Variants in RGS21 observed in about 807,000 individuals in gnomAD.
RGS21 encodes regulator of G-protein signalling 21.
Under a neutral mutation model 18.7 loss-of-function variants are expected in RGS21, and 19 were observed. The ratio of observed to expected loss-of-function variants is 1.01; its 90% confidence interval spans 0.71 to 1.49. The LOEUF is 1.49. Ranked by LOEUF, RGS21 falls within the 40% of genes most tolerant of loss-of-function variation. The probability of loss-of-function intolerance (pLI) is 0.00; values close to 1 mark genes in which losing one functional copy is unlikely to be tolerated. For missense variants in RGS21, 194 were observed against 176.8 expected (o/e 1.10, Z -0.55); for synonymous variants, 56 against 57.8 (o/e 0.97, Z 0.14).
At position 192,366,365 on chromosome 1, in the gene RGS21, T is replaced by C; in HGVS notation, c.*241T>C. ...AAAGAAAGTTTATAGAGATACAATATAGTCTTAAACCAAAACTGAATATTC... is the reference window on the plus strand; with the variant it reads ...AAAGAAAGTTTATAGAGATACAATACAGTCTTAAACCAAAACTGAATATTC... On this transcript the variant is annotated 3_prime_UTR_variant, in exon 5 of 5. Coordinates refer to ENST00000417209, the MANE Select transcript of RGS21 (RefSeq NM_001039152.3). 1 of 380,704 alleles carries C rather than the reference T, an allele frequency of 2.6e-6. No individual in the cohort carries two copies. Among genetic ancestry groups the C allele is most frequent in the Non-Finnish European group, 4.7e-6 (1 of 211,464 alleles). 23.6% of individuals were successfully genotyped at this position (380,704 alleles called of 1,614,324 possible).
At chr1:192,363,763 T>C (rs1431760330) in intron 4 of RGS21, among the ~76,000 whole-genome samples, 1 of 152,150 alleles carries the variant, frequency 6.6e-6, no homozygotes, top group Non-Finnish European at 1.5e-5. Flanking sequence ...CCCTACACTC[T>C]GGCTCTCAAG....
At chr1:192,333,847 T>G (rs1267809285) in intron 1 of RGS21, among the ~76,000 whole-genome samples, 1 of 152,258 alleles carries the variant, frequency 6.6e-6, no homozygotes, top group Admixed American at 6.6e-5. Flanking sequence ...GGTTTGTTAC[T>G]GCACTATAAT....
intron 4 of RGS21, among the ~76,000 whole-genome samples, chr1:192,354,074 C>A (rs114894939): frequency 3.3e-3 from 497 of 151,430 alleles, no homozygotes; most frequent in African/African-American, 0.011. Context: ...TATATTACAC[C>A]GATTGCAATC....
chr1:192,328,499 A>C (rs892675317), intron 1 of RGS21, among the ~76,000 whole-genome samples: 1 of 152,208 alleles, frequency 6.6e-6, no homozygotes, highest in Non-Finnish European at 1.5e-5. Flanking sequence ...TTAATAAAAC[A>C]GGCCATCAAC....
rs151023404 is a variant in RGS21, at chr1:192,361,680, G to A, written c.256-4241G>A. ...CCTGCCTCAGCCTCCTGAGTAGCTG[G>A]GATTACAGATACCCACCACCACGCC... On this transcript the variant is annotated intron_variant, in intron 4 of 4. Coordinates refer to ENST00000417209, the MANE Select transcript of RGS21 (RefSeq NM_001039152.3). Among the ~76,000 whole-genome samples the A allele has an allele frequency of 5.2e-3, 796 of 152,042 alleles. 7 individuals carry two copies. Among genetic ancestry groups the A allele is most frequent in the African/African-American group, 0.019 (771 of 41,456 alleles).
chr1:192,347,370 C>T lies in RGS21; in HGVS notation c.69C>T (p.Asp23=). 6.3e-7 allele frequency: 1 copy of T among 1,599,450 alleles called. No individual in the cohort carries two copies. The change falls in exon 3 of 5, where the codon GAC becomes GAT. Residue 23 remains aspartate, a synonymous_variant. Transcript: ENST00000417209. ...CAATGACATGGTCTGAAAATATGGA[C>T]ACGCTTTTAGCCAACCAAGGTAAGA... ...AETMTWSENM[D]TLLANQAGLD...
At chr1:192,339,192 T>C (rs1158475556) in intron 1 of RGS21, among the ~76,000 whole-genome samples, 1 of 151,694 alleles carries the variant, frequency 6.6e-6, no homozygotes, top group Non-Finnish European at 1.5e-5. Flanking sequence ...CATTCTTACT[T>C]GGATGTCATA....
intron 1 of RGS21, among the ~76,000 whole-genome samples, chr1:192,336,305 A>C (rs887644280): frequency 6.6e-6 from 1 of 152,132 alleles, no homozygotes; most frequent in Non-Finnish European, 1.5e-5. Flanking sequence ...AAATACAAAA[A>C]TTAGCTGAGC....
At chr1:192,351,947 T>C in intron 3 of RGS21, 100 bp from the exon 4 acceptor site, 2 of 637,216 alleles carry the variant, frequency 3.1e-6, no homozygotes, top group Non-Finnish European at 2.6e-6. Flanking sequence ...TATTTGCCAC[T>C]GAATATCCAG....
intron 1 of RGS21, among the ~76,000 whole-genome samples, chr1:192,332,880 T>C (rs765639833): frequency 4.7e-4 from 71 of 151,998 alleles, no homozygotes; most frequent in Admixed American, 8.5e-4. Flanking sequence ...GTCATGCCAC[T>C]GCATTCCAGC....
At chr1:192,322,348 C>T (rs1658509405) in intron 1 of RGS21, among the ~76,000 whole-genome samples, 1 of 151,978 alleles carries the variant, frequency 6.6e-6, no homozygotes, top group Non-Finnish European at 1.5e-5. Context: ...ACTCCCAGAC[C>T]AACAGGCCCA....
chr1:192,342,184 T>C (rs1453895046), intron 1 of RGS21, among the ~76,000 whole-genome samples: 1 of 152,078 alleles, frequency 6.6e-6, no homozygotes, highest in East Asian at 1.9e-4. Flanking sequence ...CAAGAGTTTT[T>C]AATTGACATT....
chr1:192,333,307 C>T (rs546736720), intron 1 of RGS21, among the ~76,000 whole-genome samples: 8 of 151,298 alleles, frequency 5.3e-5, no homozygotes, highest in African/African-American at 1.9e-4. Flanking sequence ...CACACACTTA[C>T]CATAGGACCC....
chr1:192,331,711 A>G (rs888353309), intron 1 of RGS21, among the ~76,000 whole-genome samples: 1 of 152,004 alleles, frequency 6.6e-6, no homozygotes, highest in Non-Finnish European at 1.5e-5. Flanking sequence ...ATAAAATACT[A>G]GAAGATTATG....
chr1:192,354,116 T>C (rs1278671741), intron 4 of RGS21, among the ~76,000 whole-genome samples: 1 of 151,756 alleles, frequency 6.6e-6, no homozygotes, highest in Non-Finnish European at 1.5e-5. Flanking sequence ...TCATCAGTTA[T>C]GTGTTATAGT....
chr1:192,350,029 G>A (rs1034511109), intron 3 of RGS21, among the ~76,000 whole-genome samples: 1 of 151,944 alleles, frequency 6.6e-6, no homozygotes, highest in African/African-American at 2.4e-5. Context: ...ATCATTGTTT[G>A]AACTGAATTC....
intron 4 of RGS21, among the ~76,000 whole-genome samples, chr1:192,359,673 A>G (rs1659160502): frequency 6.8e-6 from 1 of 147,144 alleles, no homozygotes; most frequent in Admixed American, 6.8e-5. Context: ...ATATATATAT[A>G]TATATTCCTG....
chr1:192,351,962 T>G (rs1371613651), intron 3 of RGS21, 85 bp from the exon 4 acceptor site: 1 of 689,244 alleles, frequency 1.5e-6, no homozygotes, highest in Admixed American at 3.3e-5. Flanking sequence ...ATCCAGTAAA[T>G]GCTCATATTA....
chr1:192,347,100 C>G (rs1336522290), intron 2 of RGS21, among the ~76,000 whole-genome samples: 1 of 152,090 alleles, frequency 6.6e-6, no homozygotes, highest in East Asian at 1.9e-4. Flanking sequence ...AGACTGTCAG[C>G]TAGATTAATA....
Sources: gnomAD v4.1 joint callset for allele counts (sites outside exome capture counted in the v4.1 genomes callset) on GRCh38, gnomAD v4.1.1 for gene constraint, MANE v1.5 for transcripts, NCBI Gene and HGNC (gene_info 2026-07-23, HGNC 2026-07-21) for gene names.